The following ALG11 variants were observed in gnomAD, a reference collection of about 807,000 sequenced individuals.
ALG11 encodes the protein GDP-Man:Man(3)GlcNAc(2)-PP-Dol alpha-1,2-mannosyltransferase.
Under a neutral mutation model 38.8 loss-of-function variants are expected in ALG11, and 26 were observed. That is an observed-to-expected ratio of 0.67 (90% CI 0.49 to 0.93). ALG11 has a LOEUF of 0.93. Ranked by LOEUF, ALG11 falls within the 40% of genes least tolerant of loss-of-function variation. The pLI, the probability that ALG11 is intolerant of heterozygous loss-of-function variation, is 0.00. For missense variants in ALG11, 535 were observed against 578.8 expected, an observed-to-expected ratio of 0.92 and a Z score of 0.78; for synonymous variants, 199 against 211.6, an observed-to-expected ratio of 0.94 and a Z score of 0.52.
At position 52,031,295 on chromosome 13, in the gene ALG11, C is replaced by T; in HGVS notation, c.*2705C>T. 1 of 823,422 alleles carries T rather than the reference C, an allele frequency of 1.2e-6. No homozygotes were observed. Among genetic ancestry groups the T allele is most frequent in the Non-Finnish European group, 1.8e-6 (1 of 545,040 alleles). 51.0% of individuals were successfully genotyped at this position (823,422 alleles called of 1,614,324 possible). ...TTAGAATTGATCAGACATTAGAACA[C>T]AGAAAAATTCTAGTACATTTAAATT... is the stretch of plus-strand genomic sequence containing the variant. On this transcript the variant is annotated 3_prime_UTR_variant, in exon 4 of 4. Transcript: ENST00000521508.
In ALG11 at chr13:52,031,172, G is replaced by A; in HGVS notation, c.*2582G>A. On this transcript the variant is annotated 3_prime_UTR_variant, in exon 4 of 4. Transcript: ENST00000521508. ...ACTTCCTTTGGTCCAGTTTTACTCT[G>A]CTACAGGGTGGATTCCAAAACTGGC... 6.6e-7 allele frequency: 1 copy of A among 1,526,376 alleles called. No homozygotes were observed. 94.6% of individuals were successfully genotyped at this position (1,526,376 alleles called of 1,614,324 possible).
Position 52,019,149 on chromosome 13 carries a change from T to C in ALG11, c.275+6T>C, listed in dbSNP as rs1183647959. The C allele has an allele frequency of 1.2e-6, 2 of 1,604,774 alleles. No individual in the cohort carries two copies. The highest frequency in any genetic ancestry group is 1.3e-5 in the African/African-American group (1 of 74,670). Reference sequence around the variant, plus strand: ...TTAAGAGCCCTGCAGAAAAAGTAGGTATCCATCTTTCTTAGCTAATTTGCT... The same window carrying C: ...TTAAGAGCCCTGCAGAAAAAGTAGGCATCCATCTTTCTTAGCTAATTTGCT... On this transcript the variant is annotated splice_donor_region_variant and intron_variant, in intron 2 of 3. Transcript: ENST00000521508.
At chr13:52,028,277 C>A (rs567625950) in intron 3 of ALG11, 42 bp from the exon 4 acceptor site, 1 of 1,613,368 alleles carries the variant, frequency 6.2e-7, no homozygotes, top group East Asian at 2.2e-5. Context: ...TGAACACACT[C>A]AAAAACTTAA....
intron 3 of ALG11, among the ~76,000 whole-genome samples, chr13:52,025,195 C>T (rs954105437): frequency 7.9e-5 from 12 of 152,138 alleles, no homozygotes; most frequent in Middle Eastern, 3.2e-3. Flanking sequence ...TTTCTAAACC[C>T]GTTTGATAGG....
rs1399549928 is a variant in ALG11 at position 52,012,477 on chromosome 13, G to T, written c.44+15G>T. ...AAGTTGTTGAGGTGAGCAGCCGGTC[G>T]TGTGGGCTCACAGACGTTTTCTCTT... On this transcript the variant is annotated intron_variant, in intron 1 of 3. Transcript: ENST00000521508. The T allele has an allele frequency of 6.2e-7, 1 of 1,614,080 alleles. No homozygotes were observed. The highest frequency in any genetic ancestry group is 1.7e-5 in the Admixed American group (1 of 60,032).
intron 2 of ALG11, chr13:52,021,507 C>T (rs1429995445): frequency 2.6e-5 from 4 of 152,352 alleles, no homozygotes; most frequent in African/African-American, 9.7e-5. Context: ...TGGCTGCACC[C>T]TGGAGGGCAA....
In ALG11 at chr13:52,030,862, T is replaced by C; in HGVS notation, c.*2272T>C. ...CTCATCAGGTACAAGTGCTTCCATATCCATTTACCCACCATCGGCAATTTG... is the reference window on the plus strand; with the variant it reads ...CTCATCAGGTACAAGTGCTTCCATACCCATTTACCCACCATCGGCAATTTG... On this transcript the variant is annotated 3_prime_UTR_variant, in exon 4 of 4. Transcript: ENST00000521508. The C allele has an allele frequency of 6.2e-7, 1 of 1,614,060 alleles. No individual in the cohort carries two copies. Among genetic ancestry groups the C allele is most frequent in the South Asian group, 1.1e-5 (1 of 91,076 alleles).
chr13:52,014,963 T>A (rs959923766), intron 1 of ALG11, among the ~76,000 whole-genome samples: 4 of 152,224 alleles, frequency 2.6e-5, no homozygotes. Flanking sequence ...AGTGCTCATG[T>A]GGGATTTCAA....
Position 52,031,112 on chromosome 13 carries a change from T to C in ALG11, c.*2522T>C, listed in dbSNP as rs763145304. On this transcript the variant is annotated 3_prime_UTR_variant, in exon 4 of 4. Transcript: ENST00000521508. ...TAAAGAAGAAAAACTGTAGGTTGTG[T>C]AGCTGGAGAAGTGACAGTCAGGGGC... is the stretch of plus-strand genomic sequence containing the variant. 1.2e-5 allele frequency: 20 copies of C among 1,600,050 alleles called. No individual in the cohort carries two copies. In the South Asian group the frequency reaches 1.9e-4, roughly 15 times the overall value.
chr13:52,012,858 TC>T (rs1186624373), intron 1 of ALG11, among the ~76,000 whole-genome samples: 1 of 152,224 alleles, frequency 6.6e-6, no homozygotes, highest in East Asian at 1.9e-4. Context: ...AACCGGATCT[TC>T]CTTCTCATCT....
chr13:52,031,893 A>G lies in ALG11; in HGVS notation c.*3303A>G, dbSNP rs901704099. On this transcript the variant is annotated 3_prime_UTR_variant, in exon 4 of 4. Coordinates refer to ENST00000521508, the MANE Select transcript of ALG11 (RefSeq NM_001004127.3). Reference sequence around the variant, plus strand: ...GTCCTTACTACCTTTTAGAGTTGGAATGAGATGGAAAGTAGATGAAACTAC... The same window carrying G: ...GTCCTTACTACCTTTTAGAGTTGGAGTGAGATGGAAAGTAGATGAAACTAC... The G allele has an allele frequency of 6.0e-6, 1 of 167,062 alleles. No homozygotes were observed. Among genetic ancestry groups the G allele is most frequent in the African/African-American group, 2.4e-5 (1 of 41,438 alleles). The allele number at this position is 167,062 out of a possible 1,614,324, so 10.3% of individuals were successfully genotyped here.
chr13:52,029,804 CAG>C lies in ALG11; in HGVS notation c.*1216_*1217del, dbSNP rs750511131. The C allele has an allele frequency of 6.2e-6, 10 of 1,614,058 alleles. No individual in the cohort carries two copies. In the African/African-American group the frequency reaches 1.2e-4, roughly 19 times the overall value. On this transcript the variant is annotated 3_prime_UTR_variant, in exon 4 of 4. Transcript: ENST00000521508. ...GTTGGCCAAGAACAAAGAACTGACA[CAG>C]AAACTCCAGGTAGCCTCTGAGAGTG...
intron 1 of ALG11, among the ~76,000 whole-genome samples, chr13:52,018,216 T>A (rs1954151380): frequency 6.6e-6 from 1 of 152,226 alleles, no homozygotes; most frequent in Admixed American, 6.5e-5. Flanking sequence ...GCCCTTGCTT[T>A]TGCAGAGCTT....
chr13:52,016,722 A>G (rs1040696712), intron 1 of ALG11: 3 of 152,288 alleles, frequency 2.0e-5, no homozygotes, highest in Non-Finnish European at 4.4e-5. Flanking sequence ...ATGTATAGAA[A>G]CGCCTGGATG....
In ALG11 at chr13:52,029,661, A is replaced by C. The variant is rs2140850305; in HGVS notation, c.*1071A>C. 1 of 1,614,242 alleles carries C rather than the reference A, an allele frequency of 6.2e-7. No homozygotes were observed. The highest frequency in any genetic ancestry group is 2.2e-5 in the East Asian group (1 of 44,890). ...GCACTGGAAGAAATGGAAAAAATTG[A>C]AAATGCCAGAATGATGGAAAGAATG... On this transcript the variant is annotated 3_prime_UTR_variant, in exon 4 of 4. Transcript: ENST00000521508.
Position 52,028,304 on chromosome 13 carries a change from T to C in ALG11, c.1208-15T>C. ...AAAACTTAAAAGATTACATGATTTG[T>C]GTTTTTTTTCTCAGGAGTTGTGGAG... is the stretch of plus-strand genomic sequence containing the variant. On this transcript the variant is annotated splice_polypyrimidine_tract_variant and intron_variant, in intron 3 of 3. Coordinates refer to ENST00000521508, the MANE Select transcript of ALG11 (RefSeq NM_001004127.3). 1 of 1,614,196 alleles carries C rather than the reference T, an allele frequency of 6.2e-7. No homozygotes were observed.
chr13:52,027,041 G>C (rs1593904933), intron 3 of ALG11, among the ~76,000 whole-genome samples: 1 of 152,290 alleles, frequency 6.6e-6, no homozygotes, highest in East Asian at 1.9e-4. Context: ...AGAGTGTTTG[G>C]AGAAGAATGG....
Position 52,024,890 on chromosome 13 carries a change from A to C in ALG11, c.1160A>C (p.Glu387Ala), listed in dbSNP as rs115524395. The C allele has an allele frequency of 7.9e-5, 127 of 1,613,206 alleles. No individual in the cohort carries two copies. The African/African-American group carries it at 1.6e-3, about 20-fold the overall frequency. ...GATGAATTAAAGAATTATTTGTCTG[A>C]AGCAACAATTGGTCTGCATACCATG... Reference protein sequence around the residue: ...PFDELKNYLSEATIGLHTMWN... With the variant: ...PFDELKNYLSAATIGLHTMWN... Residue 387 changes from glutamate (E) to alanine (A), a missense_variant, in exon 3 of 4, where the codon GAA (glutamate) becomes GCA (alanine). Physicochemically the swap from Glu to Ala is moderately radical, Grantham distance 107 (BLOSUM62 -1). Transcript: ENST00000521508.
At chr13:52,026,776 T>TATATACAAAAAAA (rs1456605924) in intron 3 of ALG11, among the ~76,000 whole-genome samples, 1 of 152,158 alleles carries the variant, frequency 6.6e-6, no homozygotes, top group Non-Finnish European at 1.5e-5. Flanking sequence ...AGGGCATGCG[T>TATATACAAAAAAA]CCAGGAGGTA....
Sources: allele counts gnomAD v4.1 joint callset (sites outside exome capture counted in the v4.1 genomes callset), GRCh38; gene constraint gnomAD v4.1.1; transcripts MANE v1.5; gene names NCBI Gene and HGNC (gene_info 2026-07-23, HGNC 2026-07-21).